VSTM1: variants seen among roughly 807,000 people sequenced by gnomAD.
The protein encoded by VSTM1 is V-set and transmembrane domain containing 1, also known as V-set and transmembrane domain-containing protein 1.
Under a neutral mutation model 33.1 loss-of-function variants are expected in VSTM1, and 27 were observed. That is an observed-to-expected ratio of 0.82 (90% CI 0.60 to 1.12). VSTM1 has a LOEUF of 1.12. Ranked by LOEUF, VSTM1 falls within the 50% of genes most tolerant of loss-of-function variation. The pLI is 0.00. For missense variants in VSTM1, 304 were observed against 288.9 expected, an observed-to-expected ratio of 1.05 and a Z score of -0.38; for synonymous variants, 115 against 110.3, an observed-to-expected ratio of 1.04 and a Z score of -0.27.
intron 3 of VSTM1, among the ~76,000 whole-genome samples, chr19:54,052,269 G>A (rs2070884475): frequency 2.7e-5 from 4 of 149,482 alleles, no homozygotes; most frequent in Admixed American, 6.7e-5. Context: ...GTGGTGGCGG[G>A]CCCCTGTAGT....
In VSTM1 at chr19:54,055,107, G is replaced by A. The variant is rs116172345; in HGVS notation, c.355+3199C>T. On this transcript the variant is annotated intron_variant, in intron 3 of 8. Coordinates refer to ENST00000338372, the MANE Select transcript of VSTM1 (RefSeq NM_198481.4). ...GTCATGTATGTTACAATCCTCCCACGTGCATCTTCTCACTGTGGTCCTCAT... is the reference window on the plus strand; with the variant it reads ...GTCATGTATGTTACAATCCTCCCACATGCATCTTCTCACTGTGGTCCTCAT... Among the ~76,000 whole-genome samples, 172 of 139,858 alleles carry A rather than the reference G, an allele frequency of 1.2e-3. 19 individuals carry two copies. Among genetic ancestry groups the A allele is most frequent in the African/African-American group, 4.4e-3 (165 of 37,776 alleles). The allele number at this position is 139,858 out of a possible 152,430, so 91.8% of individuals were successfully genotyped here. A position where few individuals can be genotyped will look rare whatever the true frequency, so the allele number is the denominator to read the frequency against.
Position 54,063,806 on chromosome 19 carries a change from C to T in VSTM1, c.-29G>A, listed in dbSNP as rs762043212. 1.1e-5 allele frequency: 18 copies of T among 1,613,008 alleles called. No homozygotes were observed. In the Middle Eastern group the frequency reaches 4.9e-4, roughly 44 times the overall value. On this transcript the variant is annotated 5_prime_UTR_variant, in exon 1 of 9. Transcript: ENST00000338372. ...GTCCCTTCTGCCAGAACCAAGGCCC[C>T]GCCTTGGGTTTTACCCTTCAAAGGC...
intron 4 of VSTM1, among the ~76,000 whole-genome samples, chr19:54,046,338 T>C (rs1006434968): frequency 9.9e-5 from 15 of 152,200 alleles, no homozygotes; most frequent in African/African-American, 3.4e-4. Flanking sequence ...ACCTCCTGAC[T>C]TTGTAAATGT....
In VSTM1 at chr19:54,058,511, C is replaced by T; in HGVS notation, c.150G>A (p.Gln50=). 6.2e-7 allele frequency: 1 copy of T among 1,614,074 alleles called. No individual in the cohort carries two copies. Among genetic ancestry groups the T allele is most frequent in the East Asian group, 2.2e-5 (1 of 44,870 alleles). ...EAESNVTLKC[Q]AHSQNVTFVL... is the part of the protein sequence containing the mutation. ...CAAATGTCACATTCTGGGAATGAGCCTGACACTTCAGGGTCACATTGCTCT... is the reference window on the plus strand; with the variant it reads ...CAAATGTCACATTCTGGGAATGAGCTTGACACTTCAGGGTCACATTGCTCT... The change falls in exon 3 of 9, where the codon CAG becomes CAA. Residue 50 remains glutamine, a synonymous_variant. Coordinates refer to ENST00000338372, the MANE Select transcript of VSTM1 (RefSeq NM_198481.4).
chr19:54,061,487 G>A (rs1177686214), intron 1 of VSTM1, among the ~76,000 whole-genome samples: 9 of 152,124 alleles, frequency 5.9e-5, no homozygotes, highest in African/African-American at 2.2e-4. Context: ...TACAAGAAGA[G>A]AAAAAGAGAG....
intron 1 of VSTM1, among the ~76,000 whole-genome samples, chr19:54,061,971 C>T (rs1396313538): frequency 7.2e-5 from 11 of 152,102 alleles, no homozygotes; most frequent in African/African-American, 1.7e-4. Flanking sequence ...GCCTGGCCAA[C>T]GTGGTGAAAC....
chr19:54,041,861 G>T, intron 7 of VSTM1, 45 bp from the exon 8 acceptor site: 1 of 1,613,858 alleles, frequency 6.2e-7, no homozygotes, highest in African/African-American at 1.3e-5. Context: ...AGCTGCAGAA[G>T]TCAGAACTTA....
intron 1 of VSTM1, among the ~76,000 whole-genome samples, chr19:54,059,059 CTTTTTT>C (rs68002308): frequency 9.6e-6 from 1 of 104,224 alleles, no homozygotes; most frequent in Non-Finnish European, 1.9e-5. Context: ...CTTCTTCTTT[CTTTTTT>C]TTTTTTTTTT....
chr19:54,050,179 A>G (rs1012910384), intron 4 of VSTM1, among the ~76,000 whole-genome samples: 3 of 151,374 alleles, frequency 2.0e-5, no homozygotes, highest in Admixed American at 6.6e-5. Context: ...TTGTATTTTT[A>G]GTAGAGACAG....
chr19:54,051,504 A>T, intron 3 of VSTM1, 56 bp from the exon 4 acceptor site: 1 of 1,443,138 alleles, frequency 6.9e-7, no homozygotes, highest in South Asian at 1.3e-5. Context: ...AACCTTGGGG[A>T]CAGGAGTCCT....
chr19:54,060,466 C>A (rs2071340625), intron 1 of VSTM1, among the ~76,000 whole-genome samples: 1 of 152,118 alleles, frequency 6.6e-6, no homozygotes, highest in South Asian at 2.1e-4. Flanking sequence ...GAACGTGACC[C>A]CCCACCAAGC....
intron 8 of VSTM1, 83 bp downstream of exon 8, chr19:54,041,696 G>T: frequency 1.4e-6 from 2 of 1,426,676 alleles, no homozygotes; most frequent in Non-Finnish European, 1.9e-6. Flanking sequence ...ATACATTTCT[G>T]TATGGGCTTA....
At chr19:54,060,452 T>C (rs922152283) in intron 1 of VSTM1, among the ~76,000 whole-genome samples, 2 of 152,090 alleles carry the variant, frequency 1.3e-5, no homozygotes, top group Admixed American at 6.6e-5. Flanking sequence ...CAGGTGCCGA[T>C]ACAGAACGTG....
Position 54,042,261 on chromosome 19 carries a change from C to T in VSTM1, c.487+16G>A, listed in dbSNP as rs201495707. On this transcript the variant is annotated intron_variant, in intron 5 of 8. Transcript: ENST00000338372. The stretch of plus-strand genomic sequence containing the variant: ...CCTTCACTCCCCCTCTCTCCCTTTG[C>T]GTTCTCTGAGCTCACTGTGCTGGCT... The T allele has an allele frequency of 1.9e-5, 31 of 1,613,810 alleles. No individual in the cohort carries two copies. The African/African-American group carries it at 2.7e-4, about 14-fold the overall frequency.
At chr19:54,052,111 C>T (rs866642533) in intron 3 of VSTM1, among the ~76,000 whole-genome samples, 2 of 152,092 alleles carry the variant, frequency 1.3e-5, no homozygotes, top group Non-Finnish European at 2.9e-5. Context: ...AAAATATCAC[C>T]TACTTGGCCG....
intron 3 of VSTM1, among the ~76,000 whole-genome samples, chr19:54,058,089 A>C (rs1171693572): frequency 2.0e-5 from 3 of 151,010 alleles, no homozygotes; most frequent in Non-Finnish European, 4.4e-5. Flanking sequence ...AAACACAAAC[A>C]ATTAGCTGGG....
chr19:54,045,397 ACTAT>A (rs552613127), intron 4 of VSTM1, among the ~76,000 whole-genome samples: 138 of 152,114 alleles, frequency 9.1e-4, no homozygotes, highest in African/African-American at 3.2e-3. Context: ...TATGTAATTA[ACTAT>A]CTGTCTGTCT....
rs768015360 is a variant in VSTM1, at chr19:54,053,245, C to T, written c.356-1797G>A. Among the ~76,000 whole-genome samples the T allele has an allele frequency of 9.9e-5, 14 of 141,186 alleles. 4 individuals are homozygous for T. The highest frequency in any genetic ancestry group is 2.0e-4 in the Non-Finnish European group (13 of 64,254). The allele number at this position is 141,186 out of a possible 152,430, so 92.6% of individuals were successfully genotyped here. A position where few individuals can be genotyped will look rare whatever the true frequency, so the allele number is the denominator to read the frequency against. ...CCCTGGAGGGCTGTTCTCCAGATAT[C>T]GGTGTGGTTGGGTCATTCTCATCCT... On this transcript the variant is annotated intron_variant, in intron 3 of 8. Coordinates refer to ENST00000338372, the MANE Select transcript of VSTM1 (RefSeq NM_198481.4).
intron 1 of VSTM1, among the ~76,000 whole-genome samples, chr19:54,060,482 C>T (rs2071341577): frequency 6.6e-6 from 1 of 152,118 alleles, no homozygotes. Context: ...CAAGCTTCAC[C>T]ACAGAGGAAT....
Sources: allele counts gnomAD v4.1 joint callset (sites outside exome capture counted in the v4.1 genomes callset), GRCh38; gene constraint gnomAD v4.1.1; transcripts MANE v1.5; gene names NCBI Gene and HGNC (gene_info 2026-07-23, HGNC 2026-07-21).